The following MPHOSPH6 variants were observed in gnomAD, a reference collection of about 807,000 sequenced individuals.
MPHOSPH6 encodes the protein M-phase phosphoprotein 6.
Under a neutral mutation model 21.8 loss-of-function variants are expected in MPHOSPH6, and 25 were observed. The observed-to-expected ratio is 1.15, with a 90% confidence interval of 0.83 to 1.60. The LOEUF is 1.60. MPHOSPH6 is among the 40% of genes most tolerant of loss of function. The probability of loss-of-function intolerance (pLI) is 0.00; values close to 1 mark genes in which losing one functional copy is unlikely to be tolerated. For synonymous variants in MPHOSPH6, 84 were observed against 56.5 expected (o/e 1.49, Z -2.18); for missense variants, 269 against 181.8 (o/e 1.48, Z -2.76).
At chr16:82,163,103 TC>T (rs1163224719) in intron 2 of MPHOSPH6, among the ~76,000 whole-genome samples, 1 of 152,188 alleles carries the variant, frequency 6.6e-6, no homozygotes, top group African/African-American at 2.4e-5. Flanking sequence ...ATACTTTCTA[TC>T]TTTAGAGAAG....
intron 2 of MPHOSPH6, among the ~76,000 whole-genome samples, chr16:82,152,103 G>T (rs1366068439): frequency 1.3e-5 from 2 of 152,146 alleles, no homozygotes; most frequent in African/African-American, 4.8e-5. Flanking sequence ...GGATAAAAAG[G>T]ACTGTTAGTA....
chr16:82,166,406 C>G (rs12928375), intron 1 of MPHOSPH6, among the ~76,000 whole-genome samples: 23 of 152,156 alleles, frequency 1.5e-4, no homozygotes, highest in African/African-American at 4.8e-4. Flanking sequence ...AAAATATTTA[C>G]TCTTTTAAGC....
intron 2 of MPHOSPH6, among the ~76,000 whole-genome samples, chr16:82,161,039 G>A (rs867106327): frequency 6.6e-6 from 1 of 152,062 alleles, no homozygotes; most frequent in Non-Finnish European, 1.5e-5. Flanking sequence ...ATTACTCTTC[G>A]TTCATACCCC....
chr16:82,165,427 G>T (rs1906742610), intron 1 of MPHOSPH6, among the ~76,000 whole-genome samples: 2 of 151,940 alleles, frequency 1.3e-5, no homozygotes, highest in East Asian at 3.9e-4. Flanking sequence ...CCCGGCCCAG[G>T]TCCCATATTT....
chr16:82,165,678 T>G (rs1906751015), intron 1 of MPHOSPH6, among the ~76,000 whole-genome samples: 1 of 44,052 alleles, frequency 2.3e-5, no homozygotes, highest in Admixed American at 3.8e-4. Context: ...GACACCACTG[T>G]GTTACAACTG....
intron 3 of MPHOSPH6, among the ~76,000 whole-genome samples, chr16:82,149,742 T>A (rs938206016): frequency 6.6e-6 from 1 of 152,190 alleles, no homozygotes; most frequent in East Asian, 1.9e-4. Context: ...TTTCAGATTT[T>A]CCCTGAACTT....
At chr16:82,168,956 C>G (rs57928709) in intron 1 of MPHOSPH6, among the ~76,000 whole-genome samples, 10,988 of 152,206 alleles carry the variant, frequency 0.072, 568 homozygotes, top group African/African-American at 0.14. Flanking sequence ...CCTGTCTACA[C>G]TACTTATTAG....
chr16:82,151,327 A>T, intron 3 of MPHOSPH6, 97 bp downstream of exon 3: 1 of 1,499,240 alleles, frequency 6.7e-7, no homozygotes. Flanking sequence ...TATAATGAGT[A>T]GAAATGGTAC....
chr16:82,167,158 G>C (rs1307008215), intron 1 of MPHOSPH6, among the ~76,000 whole-genome samples: 1 of 152,198 alleles, frequency 6.6e-6, no homozygotes, highest in Non-Finnish European at 1.5e-5. Flanking sequence ...GTCCTTTACA[G>C]AAAGTTTGCC....
Position 82,148,567 on chromosome 16 carries a change from A to G in MPHOSPH6, c.*164T>C, listed in dbSNP as rs1163682709. 1 of 844,600 alleles carries G rather than the reference A, an allele frequency of 1.2e-6. No individual in the cohort carries two copies. The highest frequency in any genetic ancestry group is 3.1e-5 in the Admixed American group (1 of 31,822). The allele number at this position is 844,600 out of a possible 1,614,324, so 52.3% of individuals were successfully genotyped here. On this transcript the variant is annotated 3_prime_UTR_variant, in exon 5 of 5. Transcript: ENST00000258169. ...TACCAAGAAGCAAAGGATGTACAACATCCATCACACATCTGTTTCAAAAAC... is the reference window on the plus strand; with the variant it reads ...TACCAAGAAGCAAAGGATGTACAACGTCCATCACACATCTGTTTCAAAAAC...
intron 2 of MPHOSPH6, among the ~76,000 whole-genome samples, chr16:82,157,589 G>A (rs760366676): frequency 1.4e-4 from 21 of 152,184 alleles, no homozygotes; most frequent in Non-Finnish European, 2.5e-4. Flanking sequence ...AACACATACA[G>A]CTGTAGACTT....
At chr16:82,152,226 T>A (rs543103116) in intron 2 of MPHOSPH6, among the ~76,000 whole-genome samples, 1 of 152,312 alleles carries the variant, frequency 6.6e-6, no homozygotes, top group Middle Eastern at 3.4e-3. Context: ...AAAATTTCAA[T>A]AGTTTTTGGG....
At position 82,148,883 on chromosome 16, in the gene MPHOSPH6, C is replaced by T; in HGVS notation, c.351-20G>A. 3 of 1,612,682 alleles carry T rather than the reference C, an allele frequency of 1.9e-6. No homozygotes were observed. Among genetic ancestry groups the T allele is most frequent in the Non-Finnish European group, 2.5e-6 (3 of 1,179,462 alleles). The stretch of plus-strand genomic sequence containing the variant: ...TCATATCTGTCAAGAGGACAGGCAG[C>T]ACACGTTTAATTTCAAATAAAAAGG... On this transcript the variant is annotated intron_variant, in intron 4 of 4. Coordinates refer to ENST00000258169, the MANE Select transcript of MPHOSPH6 (RefSeq NM_005792.2).
intron 2 of MPHOSPH6, among the ~76,000 whole-genome samples, chr16:82,153,122 C>T (rs529923699): frequency 6.6e-6 from 1 of 151,672 alleles, no homozygotes; most frequent in Admixed American, 6.5e-5. Context: ...GTCAAACACT[C>T]ACCTCCAAAA....
At chr16:82,157,782 G>A (rs1906474945) in intron 2 of MPHOSPH6, among the ~76,000 whole-genome samples, 1 of 152,178 alleles carries the variant, frequency 6.6e-6, no homozygotes, top group South Asian at 2.1e-4. Context: ...ATATGAGGAT[G>A]CCCAGGTGAA....
intron 2 of MPHOSPH6, among the ~76,000 whole-genome samples, chr16:82,158,092 C>T (rs1906487095): frequency 6.6e-6 from 1 of 152,142 alleles, no homozygotes; most frequent in South Asian, 2.1e-4. Flanking sequence ...GCCAGTTTCA[C>T]ATTAGAATGT....
In MPHOSPH6 at chr16:82,170,125, C is replaced by G; in HGVS notation, c.51G>C (p.Lys17Asn). The change falls in exon 1 of 5, where the codon AAG becomes AAC. Residue 17 changes from lysine (K) to asparagine (N), a missense_variant and splice_region_variant. Physicochemically the swap from Lys to Asn is moderately conservative, Grantham distance 94. Coordinates refer to ENST00000258169, the MANE Select transcript of MPHOSPH6 (RefSeq NM_005792.2). ...TRLSKNLLRM[K>N]FMQRGLDSET... is the part of the protein sequence containing the mutation. ...AGTGGCGCTCTCAGCGTCCCCGCAC[C>G]TTCATGCGCAGTAGATTCTTGGACA... 6.3e-7 allele frequency: 1 copy of G among 1,591,464 alleles called. No individual in the cohort carries two copies. The highest frequency in any genetic ancestry group is 8.6e-7 in the Non-Finnish European group (1 of 1,169,204).
chr16:82,148,686 T>G lies in MPHOSPH6; in HGVS notation c.*45A>C. 2 of 1,603,710 alleles carry G rather than the reference T, an allele frequency of 1.2e-6. No individual in the cohort carries two copies. The highest frequency in any genetic ancestry group is 2.2e-5 in the South Asian group (2 of 90,140). On this transcript the variant is annotated 3_prime_UTR_variant, in exon 5 of 5. Transcript: ENST00000258169. ...TTGGGATGAGCTCCAGATGCCCTGC[T>G]GACTTCCACCAAGCACCCCTGGGCC...
intron 2 of MPHOSPH6, among the ~76,000 whole-genome samples, chr16:82,158,868 T>C (rs953761713): frequency 1.3e-5 from 2 of 152,216 alleles, no homozygotes; most frequent in Non-Finnish European, 2.9e-5. Context: ...TATAACAAGA[T>C]GAGTTAACAC....
Sources: gnomAD v4.1 joint callset for allele counts (sites outside exome capture counted in the v4.1 genomes callset) on GRCh38, gnomAD v4.1.1 for gene constraint, MANE v1.5 for transcripts, NCBI Gene and HGNC (gene_info 2026-07-23, HGNC 2026-07-21) for gene names.